CLASP2: variants seen among roughly 807,000 people sequenced by gnomAD.
CLASP2 encodes the protein CLIP-associating protein 2.
In CLASP2, 47 loss-of-function variants were observed where a neutral mutation model predicts 194.4. The ratio of observed to expected loss-of-function variants is 0.24; its 90% CI spans 0.19 to 0.31. The LOEUF is 0.31. Among genes scored for constraint, CLASP2 ranks in the 10% least tolerant of loss-of-function variants. The pLI, the probability that CLASP2 is intolerant of heterozygous loss-of-function variation, is 1.00. For synonymous variants in CLASP2, 619 were observed against 633.5 expected (o/e 0.98, Z 0.34); for missense variants, 1,445 against 1,823.6 (o/e 0.79, Z 3.78).
chr3:33,539,893 T>C (rs1275616056), intron 32 of CLASP2, among the ~76,000 whole-genome samples: 1 of 149,814 alleles, frequency 6.7e-6, no homozygotes, highest in South Asian at 2.1e-4. Context: ...TGTAAGAAGA[T>C]AGAGGATTTT....
In CLASP2 at chr3:33,498,578, G is replaced by T; in HGVS notation, c.*53C>A. The T allele has an allele frequency of 9.2e-7, 1 of 1,084,406 alleles. No individual in the cohort carries two copies. Among genetic ancestry groups the T allele is most frequent in the Non-Finnish European group, 1.4e-6 (1 of 709,774 alleles). The allele number at this position is 1,084,406 out of a possible 1,614,324, so 67.2% of individuals were successfully genotyped here. On this transcript the variant is annotated 3_prime_UTR_variant, in exon 39 of 39. Coordinates refer to ENST00000682230, the MANE Select transcript of CLASP2 (RefSeq NM_001365631.1). The stretch of plus-strand genomic sequence containing the variant: ...TGAGAACTTCCTTTCATTGATGAGG[G>T]TGGTCTATCTGTCCTTTCTTTTGAG...
chr3:33,509,415 A>T (rs1303085539), intron 37 of CLASP2, among the ~76,000 whole-genome samples: 1 of 152,192 alleles, frequency 6.6e-6, no homozygotes, highest in Non-Finnish European at 1.5e-5. Flanking sequence ...GAGTCTCTCC[A>T]TGTTGGTCAA....
At chr3:33,570,552 TAGTTACCAG>T in intron 26 of CLASP2, 166 bp downstream of exon 26, 1 of 744,836 alleles carries the variant, frequency 1.3e-6, no homozygotes, top group East Asian at 2.9e-5. Context: ...GAAGCTCAAA[TAGTTACCAG>T]AGATTAATTT....
intron 6 of CLASP2, among the ~76,000 whole-genome samples, chr3:33,679,254 T>G (rs138520061): frequency 1.1e-4 from 16 of 152,242 alleles, no homozygotes; most frequent in African/African-American, 3.6e-4. Context: ...ATCACAGAAC[T>G]AAATATAAAA....
At chr3:33,572,828 T>TA (rs1336698761) in intron 25 of CLASP2, among the ~76,000 whole-genome samples, 1 of 151,864 alleles carries the variant, frequency 6.6e-6, no homozygotes, top group Non-Finnish European at 1.5e-5. Context: ...TATTAAATAT[T>TA]AAAATTAATA....
rs543454295 is a variant in CLASP2, at chr3:33,701,072, T to C, written c.196-4139A>G. On this transcript the variant is annotated intron_variant, in intron 1 of 38. Transcript: ENST00000682230. Reference sequence around the variant, plus strand: ...GTATATACACACATACACATACATATATACACCAAGTTCATGAATTGGACA... The same window carrying C: ...GTATATACACACATACACATACATACATACACCAAGTTCATGAATTGGACA... Among the ~76,000 whole-genome samples, 5 of 152,268 alleles carry C rather than the reference T, an allele frequency of 3.3e-5. No individual in the cohort carries two copies. In the South Asian group the frequency reaches 6.2e-4, roughly 19 times the overall value.
At chr3:33,528,445 G>C (rs2055220993) in intron 34 of CLASP2, among the ~76,000 whole-genome samples, 2 of 152,122 alleles carry the variant, frequency 1.3e-5, no homozygotes, top group South Asian at 4.1e-4. Context: ...CCTAGCCAGA[G>C]CAATCAGGCA....
chr3:33,610,298 A>G (rs554268520), intron 13 of CLASP2, among the ~76,000 whole-genome samples: 2 of 152,332 alleles, frequency 1.3e-5, no homozygotes, highest in East Asian at 3.9e-4. Context: ...ATTCCTTTTC[A>G]TAACATTCAA....
chr3:33,608,489 TA>T lies in CLASP2; in HGVS notation c.1448+77del. The T allele has an allele frequency of 3.5e-6, 4 of 1,146,066 alleles. No homozygotes were observed. The South Asian group carries it at 4.2e-5, about 12-fold the overall frequency. 71.0% of individuals were successfully genotyped at this position (1,146,066 alleles called of 1,614,324 possible). A position where few individuals can be genotyped will look rare whatever the true frequency, so the allele number is the denominator to read the frequency against. ...CTTTGAAGCAAAATGAGAAATAATG[TA>T]AAACCAATACCATCAACTTCTAAAG... On this transcript the variant is annotated intron_variant, in intron 14 of 38. Coordinates refer to ENST00000682230, the MANE Select transcript of CLASP2 (RefSeq NM_001365631.1).
intron 8 of CLASP2, among the ~76,000 whole-genome samples, chr3:33,634,951 T>C (rs1051435535): frequency 3.9e-5 from 6 of 152,062 alleles, no homozygotes; most frequent in African/African-American, 1.4e-4. Flanking sequence ...ATTTTTAATG[T>C]AATATTAAAG....
intron 37 of CLASP2, among the ~76,000 whole-genome samples, chr3:33,508,823 A>G (rs965035299): frequency 4.6e-5 from 7 of 152,262 alleles, no homozygotes; most frequent in African/African-American, 1.2e-4. Context: ...TAAAGTATCA[A>G]TATAAACTCA....
At chr3:33,545,429 T>C (rs2154150408) in intron 30 of CLASP2, among the ~76,000 whole-genome samples, 1 of 152,318 alleles carries the variant, frequency 6.6e-6, no homozygotes, top group East Asian at 1.9e-4. Context: ...TGTATCCAAA[T>C]CTGCACACTT....
intron 6 of CLASP2, among the ~76,000 whole-genome samples, chr3:33,677,448 A>G (rs376561701): frequency 2.6e-5 from 4 of 151,326 alleles, no homozygotes; most frequent in African/African-American, 7.3e-5. Flanking sequence ...GTAAACTATC[A>G]CAAGAACAAA....
At chr3:33,700,194 A>C (rs988791975) in intron 1 of CLASP2, among the ~76,000 whole-genome samples, 5 of 152,204 alleles carry the variant, frequency 3.3e-5, no homozygotes, top group Admixed American at 3.3e-4. Context: ...GCACTTTGGA[A>C]GGCAGGAAGA....
chr3:33,559,319 T>G lies in CLASP2; in HGVS notation c.2997A>C (p.Thr999=), dbSNP rs2061432088. ...LMRFTVDQTQ[T]PSLKVKVAIL... ...CTCAAAGTTTTACCTTTAAGCTTGG[T>G]GTCTGGGTCTGATCAACTGTAAATC... The change falls in exon 29 of 39, where the codon ACA becomes ACC. Residue 999 remains threonine, a synonymous_variant. Transcript: ENST00000682230. 6.3e-7 allele frequency: 1 copy of G among 1,577,570 alleles called. No individual in the cohort carries two copies. The highest frequency in any genetic ancestry group is 1.1e-5 in the South Asian group (1 of 87,704).
chr3:33,543,399 T>C (rs779084445), intron 32 of CLASP2, 34 bp downstream of exon 32: 5 of 1,347,208 alleles, frequency 3.7e-6, no homozygotes, highest in Middle Eastern at 1.8e-4. Flanking sequence ...AATTTACAAA[T>C]ACAAACCATC....
At chr3:33,661,704 A>C (rs2085334206) in intron 7 of CLASP2, among the ~76,000 whole-genome samples, 1 of 152,228 alleles carries the variant, frequency 6.6e-6, no homozygotes. Context: ...TCAAGGCCAC[A>C]GGCTAACAAG....
chr3:33,562,943 C>G (rs939487868), intron 27 of CLASP2, among the ~76,000 whole-genome samples: 1 of 152,170 alleles, frequency 6.6e-6, no homozygotes, highest in Non-Finnish European at 1.5e-5. Context: ...TCATTATTGT[C>G]ATTCAACATG....
intron 5 of CLASP2, among the ~76,000 whole-genome samples, chr3:33,684,935 G>C (rs2090417595): frequency 6.6e-6 from 1 of 152,020 alleles, no homozygotes; most frequent in South Asian, 2.1e-4. Flanking sequence ...CAGGGAGGTG[G>C]AGGTTGCAGT....
Sources: gnomAD v4.1 joint callset for allele counts (sites outside exome capture counted in the v4.1 genomes callset) on GRCh38, gnomAD v4.1.1 for gene constraint, MANE v1.5 for transcripts, NCBI Gene and HGNC (gene_info 2026-07-23, HGNC 2026-07-21) for gene names.